The following DGKB variants were observed in gnomAD, a reference collection of about 807,000 sequenced individuals.
DGKB encodes 90 kDa diacylglycerol kinase.
A neutral mutation model predicts 114.3 loss-of-function variants in DGKB; 67 were observed. The observed-to-expected ratio is 0.59, with a 90% CI of 0.48 to 0.72. DGKB has a LOEUF of 0.72. DGKB is among the 30% of genes least tolerant of loss of function. The pLI is 0.00. For missense variants in DGKB, 907 were observed against 975.2 expected, an observed-to-expected ratio of 0.93 and a Z score of 0.93; for synonymous variants, 398 against 323.1, an observed-to-expected ratio of 1.23 and a Z score of -2.49.
chr7:14,396,007 C>T (rs1350897160), intron 21 of DGKB, among the ~76,000 whole-genome samples: 1 of 151,866 alleles, frequency 6.6e-6, no homozygotes, highest in Non-Finnish European at 1.5e-5. Context: ...CATTATGAGT[C>T]ATCAATATAT....
chr7:14,707,013 T>A (rs1393834388), intron 6 of DGKB, among the ~76,000 whole-genome samples: 26 of 150,460 alleles, frequency 1.7e-4, no homozygotes, highest in Admixed American at 8.6e-4. Flanking sequence ...CTTCAAAAAG[T>A]CAATGAATCC....
chr7:14,166,027 C>T (rs1490803990), intron 25 of DGKB, among the ~76,000 whole-genome samples: 2 of 152,126 alleles, frequency 1.3e-5, no homozygotes, highest in African/African-American at 2.4e-5. Context: ...AGGAACAGTC[C>T]CGGTTCTATA....
rs1310765717 is a variant in DGKB at position 14,718,580 on chromosome 7, G to T, written c.428C>A (p.Ser143Tyr). 1 of 1,612,954 alleles carries T rather than the reference G, an allele frequency of 6.2e-7. No individual in the cohort carries two copies. The highest frequency in any genetic ancestry group is 8.5e-7 in the Non-Finnish European group (1 of 1,179,420). Residue 143 changes from serine to tyrosine, a missense_variant, in exon 6 of 26, where the codon TCT becomes TAT. Physicochemically the swap from Ser to Tyr is moderately radical, Grantham distance 144. Coordinates refer to ENST00000402815, the MANE Select transcript of DGKB (RefSeq NM_001350709.2). ...IHLKDIVCYL[S>Y]LLERGRPEDK... ...CTCAGGTCTTCCTCTTTCAAGCAGAGACAGGTAACAGACAATGTCCTTCAG... is the reference window on the plus strand; with the variant it reads ...CTCAGGTCTTCCTCTTTCAAGCAGATACAGGTAACAGACAATGTCCTTCAG...
intron 8 of DGKB, among the ~76,000 whole-genome samples, chr7:14,696,086 C>T (rs1371818044): frequency 1.3e-5 from 2 of 152,154 alleles, no homozygotes; most frequent in Non-Finnish European, 2.9e-5. Flanking sequence ...CAGCCACCAG[C>T]TTTCCCCTTC....
chr7:14,801,571 T>C (rs1003781701), intron 2 of DGKB, among the ~76,000 whole-genome samples: 5 of 152,112 alleles, frequency 3.3e-5, no homozygotes, highest in Non-Finnish European at 5.9e-5. Flanking sequence ...AGGTGTAGGA[T>C]GGAAGAATTT....
chr7:14,738,074 A>G (rs770049741), intron 4 of DGKB, among the ~76,000 whole-genome samples: 2 of 152,372 alleles, frequency 1.3e-5, no homozygotes, highest in African/African-American at 2.4e-5. Context: ...GCCAACAGTC[A>G]GACATGGGAT....
chr7:14,234,029 T>C (rs1248878040), intron 23 of DGKB, among the ~76,000 whole-genome samples: 1 of 152,112 alleles, frequency 6.6e-6, no homozygotes, highest in Non-Finnish European at 1.5e-5. Flanking sequence ...ATGGTATCTT[T>C]GTGGTCCCCC....
intron 1 of DGKB, among the ~76,000 whole-genome samples, chr7:14,912,887 C>A (rs544098289): frequency 1.3e-5 from 2 of 152,218 alleles, no homozygotes; most frequent in East Asian, 3.9e-4. Context: ...CTTCTCTGTT[C>A]CTTTTAAGTT....
At chr7:14,488,029 A>G (rs990577353) in intron 20 of DGKB, among the ~76,000 whole-genome samples, 9 of 152,190 alleles carry the variant, frequency 5.9e-5, no homozygotes, top group African/African-American at 2.2e-4. Context: ...GCAAATGTAC[A>G]AATGATTACT....
chr7:14,291,715 A>G (rs1003360232), intron 23 of DGKB, among the ~76,000 whole-genome samples: 1 of 152,206 alleles, frequency 6.6e-6, no homozygotes, highest in African/African-American at 2.4e-5. Context: ...GAAAATTTTT[A>G]TAGATTTTTA....
chr7:14,872,143 A>G (rs1852564543), intron 1 of DGKB, among the ~76,000 whole-genome samples: 1 of 152,198 alleles, frequency 6.6e-6, no homozygotes, highest in African/African-American at 2.4e-5. Flanking sequence ...TCTAGGGTTT[A>G]ATAAGAACCT....
At chr7:14,583,672 G>T (rs375924966) in intron 17 of DGKB, among the ~76,000 whole-genome samples, 1 of 152,176 alleles carries the variant, frequency 6.6e-6, no homozygotes, top group East Asian at 1.9e-4. Flanking sequence ...CTGCAAATAG[G>T]AGGCAGGCTT....
intron 23 of DGKB, among the ~76,000 whole-genome samples, chr7:14,298,600 C>T (rs1231443229): frequency 1.3e-5 from 2 of 151,326 alleles, no homozygotes; most frequent in Non-Finnish European, 3.0e-5. Flanking sequence ...AGCCATAAAA[C>T]CCAGGCAATA....
chr7:14,556,303 G>T (rs1795861165), intron 20 of DGKB, among the ~76,000 whole-genome samples: 1 of 151,872 alleles, frequency 6.6e-6, no homozygotes, highest in Non-Finnish European at 1.5e-5. Context: ...ATATTAAAAA[G>T]GAAAGTTAGA....
intron 2 of DGKB, among the ~76,000 whole-genome samples, chr7:14,780,730 T>G (rs1466313106): frequency 6.6e-6 from 1 of 152,212 alleles, no homozygotes; most frequent in Non-Finnish European, 1.5e-5. Flanking sequence ...CTGCTCTATG[T>G]GCAAAATAGA....
intron 10 of DGKB, among the ~76,000 whole-genome samples, chr7:14,684,107 C>G (rs1821285217): frequency 6.6e-6 from 1 of 152,112 alleles, no homozygotes; most frequent in African/African-American, 2.4e-5. Context: ...CTGTCAGAGA[C>G]TATGTTACAC....
chr7:14,279,412 C>T (rs1233346888), intron 23 of DGKB, among the ~76,000 whole-genome samples: 2 of 152,174 alleles, frequency 1.3e-5, no homozygotes, highest in African/African-American at 2.4e-5. Context: ...CCTCTGTAGG[C>T]TCCACCTCTG....
chr7:14,529,535 A>C (rs1171982038), intron 20 of DGKB, among the ~76,000 whole-genome samples: 1 of 151,874 alleles, frequency 6.6e-6, no homozygotes, highest in Non-Finnish European at 1.5e-5. Flanking sequence ...ATGGAACTCT[A>C]AAATGAAAAA....
chr7:14,429,319 C>G (rs1028429788), intron 21 of DGKB, among the ~76,000 whole-genome samples: 10 of 152,024 alleles, frequency 6.6e-5, no homozygotes, highest in African/African-American at 2.4e-4. Flanking sequence ...CTCTCTCTTT[C>G]TCTTTTTTTC....
Sources: allele counts gnomAD v4.1 joint callset (sites outside exome capture counted in the v4.1 genomes callset), GRCh38; gene constraint gnomAD v4.1.1; transcripts MANE v1.5; gene names NCBI Gene and HGNC (gene_info 2026-07-23, HGNC 2026-07-21).